Variants in PTPRQ observed in about 807,000 individuals in gnomAD.
PTPRQ encodes phosphatidylinositol phosphatase PTPRQ.
A neutral mutation model predicts 246.0 loss-of-function variants in PTPRQ; 199 were observed. The ratio of observed to expected loss-of-function variants is 0.81; its 90% confidence interval spans 0.72 to 0.91. The LOEUF (loss-of-function observed/expected upper bound fraction) is 0.91. Among genes scored for constraint, PTPRQ ranks in the 40% least tolerant of loss-of-function variants. PTPRQ has a pLI of 0.00. For synonymous variants in PTPRQ, 869 were observed against 853.2 expected, an observed-to-expected ratio of 1.02 and a Z score of -0.32; for missense variants, 2,624 against 2,528.4, an observed-to-expected ratio of 1.04 and a Z score of -0.81.
At chr12:80,560,158 A>G (rs957475792) in intron 25 of PTPRQ, among the ~76,000 whole-genome samples, 6 of 152,138 alleles carry the variant, frequency 3.9e-5, no homozygotes, top group Admixed American at 3.9e-4. Flanking sequence ...TACCTATGCT[A>G]TACTTCCCAG....
chr12:80,677,516 A>C (rs1021496315), intron 43 of PTPRQ, among the ~76,000 whole-genome samples: 5 of 152,214 alleles, frequency 3.3e-5, no homozygotes, highest in Admixed American at 6.5e-5. Flanking sequence ...CTAAGTCAAC[A>C]AACACTTATT....
rs1471856669 is a variant in PTPRQ, at chr12:80,588,275, G to T, written c.4432G>T (p.Glu1478Ter). The change falls in exon 26 of 45, where the codon GAA (glutamate) becomes TAA (stop). Residue 1478 changes from glutamate (E) to a stop codon, truncating the protein, a stop_gained. Coordinates refer to ENST00000644991, the MANE Select transcript of PTPRQ (RefSeq NM_001145026.2). LOFTEE classifies it high-confidence loss of function. ...QLRAQKCKEW[E>*]SEECVEYQKI... ...TCGTGCTCAAAAATGCAAAGAATGG[G>T]AATCCGAAGAATGTGTTGAATATCA... 1 of 1,551,494 alleles carries T rather than the reference G, an allele frequency of 6.4e-7. No homozygotes were observed.
chr12:80,669,188 T>C (rs758163760), intron 40 of PTPRQ, 47 bp downstream of exon 40: 1 of 1,538,200 alleles, frequency 6.5e-7, no homozygotes, highest in Non-Finnish European at 8.8e-7. Context: ...ACGATTGTGT[T>C]AACATATGTG....
intron 25 of PTPRQ, among the ~76,000 whole-genome samples, chr12:80,550,661 C>G (rs1184295618): frequency 2.6e-5 from 4 of 152,068 alleles, no homozygotes; most frequent in Non-Finnish European, 1.5e-5. Flanking sequence ...GAGAAGGCCC[C>G]ATTATTTGTT....
chr12:80,609,643 A>C (rs1372867684), intron 27 of PTPRQ, among the ~76,000 whole-genome samples: 5 of 150,606 alleles, frequency 3.3e-5, no homozygotes, highest in Non-Finnish European at 7.5e-5. Context: ...AAAGACACTC[A>C]TTTATGCACA....
chr12:80,478,164 A>C (rs1230428015), intron 8 of PTPRQ, among the ~76,000 whole-genome samples: 1 of 148,134 alleles, frequency 6.8e-6, no homozygotes, highest in Non-Finnish European at 1.5e-5. Flanking sequence ...TGGTTCTCCC[A>C]GCACGCAGCT....
chr12:80,664,507 T>C (rs1259602317), intron 39 of PTPRQ, among the ~76,000 whole-genome samples: 3 of 152,048 alleles, frequency 2.0e-5, no homozygotes, highest in Non-Finnish European at 4.4e-5. Flanking sequence ...TTCTCCCTTC[T>C]GCATCATCAT....
At chr12:80,631,936 T>C (rs1236184868) in intron 33 of PTPRQ, among the ~76,000 whole-genome samples, 2 of 152,154 alleles carry the variant, frequency 1.3e-5, no homozygotes, top group African/African-American at 4.8e-5. Context: ...GTCATCATCA[T>C]ATAGATGAAA....
intron 17 of PTPRQ, among the ~76,000 whole-genome samples, chr12:80,522,637 T>A (rs1895538703): frequency 6.6e-6 from 1 of 152,198 alleles, no homozygotes; most frequent in Admixed American, 6.5e-5. Flanking sequence ...GTTTTTGTCT[T>A]TGGTTCTGTT....
At chr12:80,500,871 T>G (rs759949423) in intron 14 of PTPRQ, among the ~76,000 whole-genome samples, 35 of 151,948 alleles carry the variant, frequency 2.3e-4, no homozygotes, top group African/African-American at 8.4e-4. Flanking sequence ...AATTTGTGAT[T>G]TTTGGTAGTG....
At chr12:80,518,150 T>C (rs1565759131) in intron 17 of PTPRQ, among the ~76,000 whole-genome samples, 1 of 152,182 alleles carries the variant, frequency 6.6e-6, no homozygotes, top group Non-Finnish European at 1.5e-5. Flanking sequence ...CATTTGTTAT[T>C]GCCTGTCTTT....
chr12:80,613,475 T>C, intron 28 of PTPRQ, 117 bp from the exon 29 acceptor site: 1 of 1,090,536 alleles, frequency 9.2e-7, no homozygotes, highest in Non-Finnish European at 1.3e-6. Flanking sequence ...TTGCAGTTTA[T>C]ATGGTTTAAT....
chr12:80,454,688 T>C (rs2120444390), intron 3 of PTPRQ: 1 of 566,036 alleles, frequency 1.8e-6, no homozygotes. Context: ...GGATATTGGA[T>C]TTTATTAAAT....
At chr12:80,496,992 G>A (rs1479025579) in intron 14 of PTPRQ, among the ~76,000 whole-genome samples, 1 of 151,886 alleles carries the variant, frequency 6.6e-6, no homozygotes, top group Non-Finnish European at 1.5e-5. Context: ...TCTTAATGAG[G>A]AGGTTGGAAT....
Position 80,546,563 on chromosome 12 carries a change from C to A in PTPRQ, c.3881C>A (p.Ser1294Ter). The A allele has an allele frequency of 6.5e-7, 1 of 1,545,752 alleles. No individual in the cohort carries two copies. The change falls in exon 24 of 45, where the codon TCA (serine) becomes TAA (stop). Residue 1294 changes from serine (S) to a stop codon, truncating the protein, a stop_gained. Coordinates refer to ENST00000644991, the MANE Select transcript of PTPRQ (RefSeq NM_001145026.2). LOFTEE classifies it high-confidence loss of function. ...ETDTIYYKNI[S>*]GFKTEAKLVG... ...TTTTTTTCTGTTTTTCAGAATATAT[C>A]AGGATTTAAAACTGAAGCCAAACTT...
chr12:80,665,390 T>C (rs1176863722), intron 39 of PTPRQ, among the ~76,000 whole-genome samples: 1 of 152,042 alleles, frequency 6.6e-6, no homozygotes, highest in African/African-American at 2.4e-5. Flanking sequence ...GTAAGAGATA[T>C]GAGCTGATTA....
In PTPRQ at chr12:80,621,237, G is replaced by T. The variant is rs143572726; in HGVS notation, c.5613-824G>T. Among the ~76,000 whole-genome samples, 191 of 151,864 alleles carry T rather than the reference G, an allele frequency of 1.3e-3. 1 individual carries two copies. Among genetic ancestry groups the T allele is most frequent in the African/African-American group, 4.4e-3 (181 of 41,498 alleles). On this transcript the variant is annotated intron_variant, in intron 32 of 44. Transcript: ENST00000644991. ...ACTTTGGTTCAAATTCTAGGTTATT[G>T]CCTGAATAGCTATACACATATGATA... is the stretch of plus-strand genomic sequence containing the variant.
intron 19 of PTPRQ, among the ~76,000 whole-genome samples, chr12:80,537,920 T>A (rs549136614): frequency 6.6e-6 from 1 of 152,130 alleles, no homozygotes; most frequent in East Asian, 1.9e-4. Flanking sequence ...CCATCCTGGC[T>A]AACAAGGTGA....
At chr12:80,495,796 C>T (rs982054869) in intron 12 of PTPRQ, among the ~76,000 whole-genome samples, 2 of 151,936 alleles carry the variant, frequency 1.3e-5, no homozygotes, top group Admixed American at 1.3e-4. Context: ...AAATTATTGC[C>T]TTAATATTTT....
Sources: gnomAD v4.1 joint callset for allele counts (sites outside exome capture counted in the v4.1 genomes callset) on GRCh38, gnomAD v4.1.1 for gene constraint, MANE v1.5 for transcripts, NCBI Gene and HGNC (gene_info 2026-07-23, HGNC 2026-07-21) for gene names.